CACNA1C: variants seen among roughly 807,000 people sequenced by gnomAD.
CACNA1C encodes the protein calcium voltage-gated channel subunit alpha1 C.
Under a neutral mutation model 229.0 loss-of-function variants are expected in CACNA1C, and 30 were observed. The observed-to-expected ratio is 0.13, with a 90% CI of 0.10 to 0.18. The LOEUF (loss-of-function observed/expected upper bound fraction) is 0.18, where lower values mean the gene tolerates loss of function less well. Ranked by LOEUF, CACNA1C falls within the 10% of genes least tolerant of loss-of-function variation. The probability of loss-of-function intolerance (pLI) is 1.00; values close to 1 mark genes in which losing one functional copy is unlikely to be tolerated. For missense variants in CACNA1C, 1,658 were observed against 2,845.0 expected, an observed-to-expected ratio of 0.58 and a Z score of 9.49; for synonymous variants, 1,114 against 1,132.5, an observed-to-expected ratio of 0.98 and a Z score of 0.33.
Position 2,697,777 on chromosome 12 carries a change from C to T in CACNA1C, c.*6578C>T, listed in dbSNP as rs2097852819. On this transcript the variant is annotated 3_prime_UTR_variant, in exon 47 of 47. Coordinates refer to ENST00000399655, the MANE Select transcript of CACNA1C (RefSeq NM_000719.7). The stretch of plus-strand genomic sequence containing the variant: ...TGGGCCTTCTCACCCTCGAGAAAGG[C>T]CAGGGAATCTAGAAGGGGCAACCCT... 1 of 152,520 alleles carries T rather than the reference C, an allele frequency of 6.6e-6. No individual in the cohort carries two copies. Among genetic ancestry groups the T allele is most frequent in the South Asian group, 2.1e-4 (1 of 4,828 alleles). The allele number at this position is 152,520 out of a possible 1,614,324, so 9.4% of individuals were successfully genotyped here.
chr12:2,143,889 A>C (rs532132883), intron 3 of CACNA1C, among the ~76,000 whole-genome samples: 2 of 148,220 alleles, frequency 1.3e-5, no homozygotes, highest in Non-Finnish European at 3.0e-5. Flanking sequence ...TCGATTTGCT[A>C]TTTCCTCTCT....
At chr12:2,257,494 G>T (rs568244514) in intron 3 of CACNA1C, among the ~76,000 whole-genome samples, 1 of 152,322 alleles carries the variant, frequency 6.6e-6, no homozygotes, top group East Asian at 1.9e-4. Flanking sequence ...TCCCCAGCAT[G>T]CACAGTTCAC....
At chr12:2,127,322 T>C (rs1279267425) in intron 3 of CACNA1C, among the ~76,000 whole-genome samples, 1 of 152,210 alleles carries the variant, frequency 6.6e-6, no homozygotes, top group Non-Finnish European at 1.5e-5. Flanking sequence ...CCACTTTGGG[T>C]TCCCCTCCTC....
chr12:2,354,881 A>G lies in CACNA1C; in HGVS notation c.478-94095A>G, dbSNP rs1043901962. Among the ~76,000 whole-genome samples the G allele has an allele frequency of 2.0e-5, 3 of 151,972 alleles. No individual in the cohort carries two copies. The highest frequency in any genetic ancestry group is 7.3e-5 in the African/African-American group (3 of 41,376). On this transcript the variant is annotated intron_variant, in intron 3 of 46. Coordinates refer to ENST00000399655, the MANE Select transcript of CACNA1C (RefSeq NM_000719.7). This position sits in a 1 kb window ranked among gnomAD's most constrained non-coding sequence, Gnocchi z 4.6. ...GCTGGTCGTTTCCCCGCAGCTTTAG[A>G]TTCCATTTTGGTGAGGAAATTTACA...
chr12:1,989,453 G>C (rs1335971173), intron 1 of CACNA1C, among the ~76,000 whole-genome samples: 1 of 152,232 alleles, frequency 6.6e-6, no homozygotes, highest in Admixed American at 6.5e-5. Context: ...GGTGGCTCAC[G>C]CCTATAATCC....
rs11062281 is a variant in CACNA1C, at chr12:2,585,304, G to A, written c.2340-72G>A. ...CTCTGGCCCCAACAGGCCACAGGGC[G>A]GTTCCCTCCTACACTGTTCCCTATC... On this transcript the variant is annotated intron_variant, in intron 16 of 46. Coordinates refer to ENST00000399655, the MANE Select transcript of CACNA1C (RefSeq NM_000719.7). This position sits in a 1 kb window ranked among gnomAD's most constrained non-coding sequence, Gnocchi z 4.1. 10,476 of 1,496,314 alleles carry A rather than the reference G, an allele frequency of 7.0e-3. 611 individuals are homozygous for A. In the African/African-American group the frequency reaches 0.13, roughly 18 times the overall value. The allele number at this position is 1,496,314 out of a possible 1,614,324, so 92.7% of individuals were successfully genotyped here.
intron 3 of CACNA1C, among the ~76,000 whole-genome samples, chr12:2,437,513 G>T (rs1476989022): frequency 4.6e-5 from 7 of 152,200 alleles, no homozygotes; most frequent in Non-Finnish European, 7.3e-5. Context: ...TAAGCCCTCT[G>T]ATCTGTTTGC....
At position 2,597,329 on chromosome 12, in the gene CACNA1C, G is replaced by T; in HGVS notation, c.2853+40G>T. 15 of 1,543,346 alleles carry T rather than the reference G, an allele frequency of 9.7e-6. No homozygotes were observed. The highest frequency in any genetic ancestry group is 1.3e-5 in the Non-Finnish European group (15 of 1,115,952). On this transcript the variant is annotated intron_variant, in intron 21 of 46. Coordinates refer to ENST00000399655, the MANE Select transcript of CACNA1C (RefSeq NM_000719.7). The surrounding 1 kb of genome is among the most constrained non-coding windows in gnomAD (Gnocchi z 4.3). The stretch of plus-strand genomic sequence containing the variant: ...CCCTTCTGCTCCTCCTGTCCCCCTT[G>T]TGCCAGCACCAGGTCTCTGCCGCTG...
intron 1 of CACNA1C, among the ~76,000 whole-genome samples, chr12:2,083,350 C>T (rs979489176): frequency 6.6e-6 from 1 of 152,204 alleles, no homozygotes; most frequent in Non-Finnish European, 1.5e-5. Flanking sequence ...CCCAGCATTG[C>T]CAGGCAGCCT....
At chr12:2,299,464 C>G (rs749644064) in intron 3 of CACNA1C, among the ~76,000 whole-genome samples, 6 of 152,070 alleles carry the variant, frequency 3.9e-5, no homozygotes, top group Non-Finnish European at 8.8e-5. Context: ...CCAGAGAGCT[C>G]TCATCGGATG....
At chr12:2,421,284 T>C (rs2098976436) in intron 3 of CACNA1C, among the ~76,000 whole-genome samples, 3 of 152,222 alleles carry the variant, frequency 2.0e-5, no homozygotes, top group African/African-American at 7.2e-5. Context: ...CTTCTGAAAC[T>C]TGTTTCATAG....
At chr12:2,169,209 T>G (rs1247381001) in intron 3 of CACNA1C, among the ~76,000 whole-genome samples, 2 of 152,154 alleles carry the variant, frequency 1.3e-5, no homozygotes, top group African/African-American at 4.8e-5. Context: ...AATATAATTT[T>G]TGTGTGCTGT....
In CACNA1C at chr12:2,457,570, T is replaced by G. The variant is rs2099443384; in HGVS notation, c.621T>G (p.Leu207=). 1.2e-6 allele frequency: 2 copies of G among 1,611,042 alleles called. No individual in the cohort carries two copies. The highest frequency in any genetic ancestry group is 8.5e-7 in the Non-Finnish European group (1 of 1,178,486). Residue 207 remains leucine, a synonymous_variant, in exon 5 of 47, where the codon CTT becomes CTG. Transcript: ENST00000399655. ...TTCTCTCTTTCCTCTCTTCTAGGCT[T>G]TTTAGTGCAATTTTAGAACAAGCAA... The part of the protein sequence containing the change: ...LLDFIIVVVG[L]FSAILEQATK...
In CACNA1C at chr12:2,059,404, T is replaced by C. The variant is rs571921810; in HGVS notation, c.49+5793T>C. ...CTGGAGCTCAGGAGTCGGACCGAGG[T>C]TGAAAATAGACCCTTCCTTCCCTGG... On this transcript the variant is annotated intron_variant, in intron 1 of 46. Transcript: ENST00000399655. Among the ~76,000 whole-genome samples the C allele has an allele frequency of 8.6e-5, 13 of 151,358 alleles. 1 individual carries two copies. In the Middle Eastern group the frequency reaches 0.024, roughly 277 times the overall value.
At chr12:2,172,567 G>C (rs1373631177) in intron 3 of CACNA1C, among the ~76,000 whole-genome samples, 1 of 152,152 alleles carries the variant, frequency 6.6e-6, no homozygotes, top group African/African-American at 2.4e-5. Flanking sequence ...TCCTACATTA[G>C]GAAGAAAGGA....
intron 1 of CACNA1C, among the ~76,000 whole-genome samples, chr12:2,025,596 C>T (rs2047185302): frequency 6.6e-6 from 1 of 152,144 alleles, no homozygotes; most frequent in Non-Finnish European, 1.5e-5. Flanking sequence ...CACATCTCAG[C>T]CTCCCAAAAT....
At chr12:2,186,135 C>T (rs2096996219) in intron 3 of CACNA1C, among the ~76,000 whole-genome samples, 1 of 152,198 alleles carries the variant, frequency 6.6e-6, no homozygotes, top group Non-Finnish European at 1.5e-5. Flanking sequence ...GTCCTCTCAT[C>T]TTTATGGGAA....
chr12:1,999,829 C>T (rs1435204997), intron 1 of CACNA1C, among the ~76,000 whole-genome samples: 14 of 152,206 alleles, frequency 9.2e-5, no homozygotes, highest in African/African-American at 3.4e-4. Context: ...ACTAGATTCA[C>T]TATGAAGTTT....
intron 3 of CACNA1C, among the ~76,000 whole-genome samples, chr12:2,406,376 C>G (rs1328853751): frequency 1.3e-5 from 2 of 152,174 alleles, no homozygotes; most frequent in Non-Finnish European, 2.9e-5. Flanking sequence ...CCTTCTGGAA[C>G]TCTGATGACA....
Sources: allele counts gnomAD v4.1 joint callset (sites outside exome capture counted in the v4.1 genomes callset), GRCh38; gene constraint gnomAD v4.1.1; non-coding constraint Gnocchi (gnomAD v3.1); transcripts MANE v1.5; gene names NCBI Gene and HGNC (gene_info 2026-07-23, HGNC 2026-07-21).